The following CACTIN variants were observed in gnomAD, a reference collection of about 807,000 sequenced individuals.
CACTIN encodes splicing factor Cactin.
A neutral mutation model predicts 84.9 loss-of-function variants in CACTIN; 20 were observed. The observed-to-expected ratio is 0.24, with a 90% CI of 0.17 to 0.34. The LOEUF (loss-of-function observed/expected upper bound fraction) is 0.34. Ranked by LOEUF, CACTIN falls within the 10% of genes least tolerant of loss-of-function variation. The probability of loss-of-function intolerance (pLI) is 1.00; values close to 1 mark genes in which losing one functional copy is unlikely to be tolerated. For synonymous variants in CACTIN, 549 were observed against 467.9 expected (o/e 1.17, Z -2.24); for missense variants, 897 against 1,117.2 (o/e 0.80, Z 2.81).
chr19:3,623,421 C>A (rs948061298), intron 2 of CACTIN, among the ~76,000 whole-genome samples: 2 of 150,624 alleles, frequency 1.3e-5, no homozygotes, highest in Non-Finnish European at 3.0e-5. Flanking sequence ...CCCAGCTACT[C>A]AGGAGGCTGA....
chr19:3,611,032 G>A lies in CACTIN; in HGVS notation c.*891C>T, dbSNP rs1472582540. The stretch of plus-strand genomic sequence containing the variant: ...ATATGGGCAAAACTCGGGGTCACTG[G>A]TCTCATGCTCCAAGGCCCCGTGAGC... On this transcript the variant is annotated 3_prime_UTR_variant, in exon 10 of 10. Coordinates refer to ENST00000429344, the MANE Select transcript of CACTIN (RefSeq NM_001080543.2). 3 of 443,774 alleles carry A rather than the reference G, an allele frequency of 6.8e-6. No individual in the cohort carries two copies. The highest frequency in any genetic ancestry group is 2.0e-5 in the African/African-American group (1 of 49,922). 27.5% of individuals were successfully genotyped at this position (443,774 alleles called of 1,614,324 possible). A position where few individuals can be genotyped will look rare whatever the true frequency, so the allele number is the denominator to read the frequency against.
chr19:3,613,350 G>T lies in CACTIN; in HGVS notation c.1494C>A (p.Asp498Glu). ...AGGGCCCGGGCGGGGTGGGCGCCGC[G>T]TCCTCAGGCTCCAGGCTGGGAGGAG... is the stretch of plus-strand genomic sequence containing the variant. ...QSPSRSLEPE[D>E]AAPTPPGPSS... Residue 498 changes from aspartate (D) to glutamate (E), a missense_variant, in exon 9 of 10, where the codon GAC (aspartate) becomes GAA (glutamate). Asp to Glu is a conservative substitution (Grantham distance 45). Around this residue, in one of 8 missense-constraint regions of CACTIN, gnomAD observed 243 missense variants for 239.9 expected, o/e 1.01. Transcript: ENST00000429344. The T allele has an allele frequency of 6.6e-7, 1 of 1,510,436 alleles. No homozygotes were observed. Among genetic ancestry groups the T allele is most frequent in the East Asian group, 2.5e-5 (1 of 40,324 alleles). The allele number at this position is 1,510,436 out of a possible 1,614,324, so 93.6% of individuals were successfully genotyped here.
chr19:3,616,994 G>A (rs377022743), intron 6 of CACTIN, among the ~76,000 whole-genome samples: 32 of 152,200 alleles, frequency 2.1e-4, no homozygotes, highest in African/African-American at 4.8e-4. Flanking sequence ...GATGGCGCGC[G>A]TCTGTAATCC....
chr19:3,614,672 T>TG (rs781267837), intron 6 of CACTIN, 83 bp from the exon 7 acceptor site: 51 of 1,134,834 alleles, frequency 4.5e-5, no homozygotes, highest in Admixed American at 1.0e-4. Flanking sequence ...TCCCCTGCCA[T>TG]GGGGGGGTCC....
intron 2 of CACTIN, among the ~76,000 whole-genome samples, chr19:3,623,446 A>G (rs58547709): frequency 0.056 from 8,333 of 148,750 alleles, 575 homozygotes; most frequent in African/African-American, 0.16. Flanking sequence ...GGAGAATGGC[A>G]TGAACCCGGG....
Position 3,624,227 on chromosome 19 carries a change from C to T in CACTIN, c.168-65G>A, listed in dbSNP as rs1456300845. The T allele has an allele frequency of 4.3e-6, 6 of 1,408,996 alleles. No individual in the cohort carries two copies. The East Asian group carries it at 6.9e-5, about 16-fold the overall frequency. 87.3% of individuals were successfully genotyped at this position (1,408,996 alleles called of 1,614,324 possible). On this transcript the variant is annotated intron_variant, in intron 1 of 9. Coordinates refer to ENST00000429344, the MANE Select transcript of CACTIN (RefSeq NM_001080543.2). The stretch of plus-strand genomic sequence containing the variant: ...CTGTCATCTGCTCCACAGATGCTTA[C>T]TGGGTGCCCGTGGGGGAGCAGGCAC...
chr19:3,622,983 C>G (rs2033255015), intron 2 of CACTIN, among the ~76,000 whole-genome samples: 1 of 152,230 alleles, frequency 6.6e-6, no homozygotes. Context: ...TGCCTGTAAT[C>G]CCAGAACTCT....
At chr19:3,620,979 G>T in intron 2 of CACTIN, 177 bp from the exon 3 acceptor site, 1 of 699,200 alleles carries the variant, frequency 1.4e-6, no homozygotes, top group Non-Finnish European at 2.6e-6. Flanking sequence ...ATCCAATTCA[G>T]TGCAGACATG....
chr19:3,612,906 G>C (rs1397362937), intron 9 of CACTIN, 152 bp downstream of exon 9: 3 of 937,898 alleles, frequency 3.2e-6, no homozygotes, highest in Middle Eastern at 2.1e-4. Context: ...TGCGCGTGCA[G>C]GTGACGGAAT....
At chr19:3,626,026 T>C (rs186408971) in intron 1 of CACTIN, among the ~76,000 whole-genome samples, 43 of 152,222 alleles carry the variant, frequency 2.8e-4, no homozygotes, top group African/African-American at 1.0e-3. Context: ...CCACCTCCAT[T>C]AGCAAATGTT....
intron 1 of CACTIN, among the ~76,000 whole-genome samples, 179 bp from the exon 2 acceptor site, chr19:3,624,341 A>C (rs1298618712): frequency 1.3e-5 from 2 of 152,242 alleles, no homozygotes; most frequent in African/African-American, 4.8e-5. Context: ...CCAACAAGGA[A>C]GACATCAACA....
chr19:3,620,615 C>T (rs974349555), intron 3 of CACTIN, 92 bp downstream of exon 3: 207 of 996,316 alleles, frequency 2.1e-4, no homozygotes, highest in Middle Eastern at 6.0e-4. Flanking sequence ...CCCAGGACTT[C>T]CCACTTAAGC....
At position 3,611,235 on chromosome 19, in the gene CACTIN, C is replaced by A; in HGVS notation, c.*688G>T. The stretch of plus-strand genomic sequence containing the variant: ...CTCGACGCATCCTCCATACCCGCTG[C>A]GGGGAAATGGACCCCACCAGCCAGC... On this transcript the variant is annotated 3_prime_UTR_variant, in exon 10 of 10. Coordinates refer to ENST00000429344, the MANE Select transcript of CACTIN (RefSeq NM_001080543.2). The A allele has an allele frequency of 2.3e-6, 1 of 440,088 alleles. No individual in the cohort carries two copies. The highest frequency in any genetic ancestry group is 2.7e-5 in the Admixed American group (1 of 37,466). The allele number at this position is 440,088 out of a possible 1,614,324, so 27.3% of individuals were successfully genotyped here.
chr19:3,623,493 C>T (rs1037890397), intron 2 of CACTIN, among the ~76,000 whole-genome samples, 195 bp downstream of exon 2: 3 of 151,886 alleles, frequency 2.0e-5, no homozygotes, highest in South Asian at 2.1e-4. Flanking sequence ...CACACCACTT[C>T]ACTCCAGCCT....
chr19:3,612,549 G>T, intron 9 of CACTIN, 136 bp from the exon 10 acceptor site: 21 of 1,298,614 alleles, frequency 1.6e-5, no homozygotes, highest in Non-Finnish European at 2.1e-5. Context: ...AGGCACATGG[G>T]GAGGGGACAG....
Position 3,610,901 on chromosome 19 carries a change from A to G in CACTIN, c.*1022T>C, listed in dbSNP as rs1416862823. The G allele has an allele frequency of 2.2e-6, 1 of 456,642 alleles. No individual in the cohort carries two copies. The highest frequency in any genetic ancestry group is 4.4e-6 in the Non-Finnish European group (1 of 226,990). The allele number at this position is 456,642 out of a possible 1,614,324, so 28.3% of individuals were successfully genotyped here. On this transcript the variant is annotated 3_prime_UTR_variant, in exon 10 of 10. Coordinates refer to ENST00000429344, the MANE Select transcript of CACTIN (RefSeq NM_001080543.2). ...TTGGAGATGTTCCCGTCGGATGCTG[A>G]AGAACAAGCCTGCCGGCTGGGCCAC...
rs922745626 is a variant in CACTIN at position 3,626,581 on chromosome 19, C to T, written c.167+15G>A. On this transcript the variant is annotated intron_variant, in intron 1 of 9. Coordinates refer to ENST00000429344, the MANE Select transcript of CACTIN (RefSeq NM_001080543.2). ...AGGAGCCGGATCCCCAGCGCTGCTC[C>T]CGCAGCGACCCCACCTGCGCTCCCG... The T allele has an allele frequency of 7.0e-7, 1 of 1,430,184 alleles. No homozygotes were observed. Among genetic ancestry groups the T allele is most frequent in the South Asian group, 1.4e-5 (1 of 69,108 alleles). The allele number at this position is 1,430,184 out of a possible 1,614,324, so 88.6% of individuals were successfully genotyped here. A position where few individuals can be genotyped will look rare whatever the true frequency, so the allele number is the denominator to read the frequency against.
chr19:3,613,146 C>A lies in CACTIN; in HGVS notation c.1698G>T (p.Ala566=). The change falls in exon 9 of 10, where the codon GCG becomes GCT. Residue 566 remains alanine, a synonymous_variant. Coordinates refer to ENST00000429344, the MANE Select transcript of CACTIN (RefSeq NM_001080543.2). ...CGTGCGCGTCCAGTGGCAGCTCGTGCGCCGTGAGCAGCCGCGGGCTGTACC... is the reference window on the plus strand; with the variant it reads ...CGTGCGCGTCCAGTGGCAGCTCGTGAGCCGTGAGCAGCCGCGGGCTGTACC... The part of the protein sequence containing the change: ...AGRYSPRLLT[A]HELPLDAHVL... 6.2e-7 allele frequency: 1 copy of A among 1,608,548 alleles called. No homozygotes were observed. Among genetic ancestry groups the A allele is most frequent in the South Asian group, 1.1e-5 (1 of 91,016 alleles).
At chr19:3,620,004 A>G in intron 4 of CACTIN, 123 bp downstream of exon 4, 1 of 1,168,576 alleles carries the variant, frequency 8.6e-7, no homozygotes, top group African/African-American at 1.5e-5. Flanking sequence ...TCAGGAAGGG[A>G]AGGTCCCAGG....
Sources: gnomAD v4.1 joint callset for allele counts (sites outside exome capture counted in the v4.1 genomes callset) on GRCh38, gnomAD v4.1.1 for gene constraint, gnomAD v4.1.1 regional missense constraint, MANE v1.5 for transcripts, NCBI Gene and HGNC (gene_info 2026-07-23, HGNC 2026-07-21) for gene names.